The following SLC22A23 variants were observed in gnomAD, a reference collection of about 807,000 sequenced individuals.
The protein encoded by SLC22A23 is ion transporter protein.
A neutral mutation model predicts 61.0 loss-of-function variants in SLC22A23; 26 were observed. The observed-to-expected ratio is 0.43, with a 90% CI of 0.31 to 0.59. The LOEUF (loss-of-function observed/expected upper bound fraction) is 0.59, where lower values mean the gene tolerates loss of function less well. Among genes scored for constraint, SLC22A23 ranks in the 20% least tolerant of loss-of-function variants. The pLI is 0.11. For missense variants in SLC22A23, 796 were observed against 934.7 expected (o/e 0.85, Z 1.94); for synonymous variants, 430 against 413.9 (o/e 1.04, Z -0.47).
intron 5 of SLC22A23, among the ~76,000 whole-genome samples, chr6:3,294,611 G>A (rs980104904): frequency 6.6e-6 from 1 of 152,152 alleles, no homozygotes; most frequent in Non-Finnish European, 1.5e-5. Flanking sequence ...CTGGCCACAC[G>A]GCCACATTGG....
chr6:3,288,998 CTT>C (rs1581618012), intron 6 of SLC22A23, among the ~76,000 whole-genome samples: 1 of 152,386 alleles, frequency 6.6e-6, no homozygotes, highest in South Asian at 2.1e-4. Flanking sequence ...CTGGGCCTGT[CTT>C]TACCTGGTGG....
chr6:3,406,321 C>T (rs1040625835), intron 3 of SLC22A23, among the ~76,000 whole-genome samples: 2 of 152,146 alleles, frequency 1.3e-5, no homozygotes, highest in African/African-American at 2.4e-5. Context: ...CTTCACAGTG[C>T]TATATTACCT....
At chr6:3,341,153 C>T (rs1304819117) in intron 3 of SLC22A23, among the ~76,000 whole-genome samples, 1 of 152,166 alleles carries the variant, frequency 6.6e-6, no homozygotes, top group Non-Finnish European at 1.5e-5. Flanking sequence ...GAGAGGCTGG[C>T]CCGAGTCACA....
At chr6:3,395,895 T>C (rs79659698) in intron 3 of SLC22A23, among the ~76,000 whole-genome samples, 6,023 of 152,320 alleles carry the variant, frequency 0.04, 430 homozygotes, top group African/African-American at 0.14. Context: ...GAAATTATAT[T>C]ATACAGGTTT....
At chr6:3,348,529 T>C (rs1301580277) in intron 3 of SLC22A23, among the ~76,000 whole-genome samples, 1 of 152,192 alleles carries the variant, frequency 6.6e-6, no homozygotes, top group East Asian at 1.9e-4. Context: ...GTGCACACTA[T>C]AGAATCCGGC....
In SLC22A23 at chr6:3,304,114, A is replaced by G. The variant is rs73719974; in HGVS notation, c.1083-5896T>C. Among the ~76,000 whole-genome samples the G allele has an allele frequency of 0.14, 21,475 of 152,158 alleles. 2,855 individuals are homozygous for G. Among genetic ancestry groups the G allele is most frequent in the African/African-American group, 0.35 (14,556 of 41,466 alleles). On this transcript the variant is annotated intron_variant, in intron 4 of 9. Transcript: ENST00000406686. This position sits in a 1 kb window ranked among gnomAD's most constrained non-coding sequence, Gnocchi z 4.3. The stretch of plus-strand genomic sequence containing the variant: ...TCCCCTTTCTTATCTGGGCCCACGG[A>G]GCCCTTGCCCTTCAGGAGAAAAGTC...
At position 3,372,411 on chromosome 6, in the gene SLC22A23, G is replaced by A. The variant is rs988555340; in HGVS notation, c.913+37777C>T. The stretch of plus-strand genomic sequence containing the variant: ...GCTGTGCTGGGAAGGGGGGATGGGC[G>A]TGGCTGCTGACAGCACGTAAGGTGG... On this transcript the variant is annotated intron_variant, in intron 3 of 9. Coordinates refer to ENST00000406686, the MANE Select transcript of SLC22A23 (RefSeq NM_015482.2). This position sits in a 1 kb window ranked among gnomAD's most constrained non-coding sequence, Gnocchi z 4.7. Among the ~76,000 whole-genome samples, 1 of 152,242 alleles carries A rather than the reference G, an allele frequency of 6.6e-6. No homozygotes were observed. Among genetic ancestry groups the A allele is most frequent in the Admixed American group, 6.5e-5 (1 of 15,284 alleles).
rs1296684767 is a variant in SLC22A23, at chr6:3,271,783, CGAGG to C, written c.*1268_*1271del. On this transcript the variant is annotated 3_prime_UTR_variant, in exon 10 of 10. Transcript: ENST00000406686. ...GAAACCTCCACTTTCTGGGGTGAAACGAGGAACACGAAGAGACCCATGGAGGTCG... is the reference window on the plus strand; with the variant it reads ...GAAACCTCCACTTTCTGGGGTGAAACAACACGAAGAGACCCATGGAGGTCG... 1 of 152,348 alleles carries C rather than the reference CGAGG, an allele frequency of 6.6e-6. No homozygotes were observed. The highest frequency in any genetic ancestry group is 1.5e-5 in the Non-Finnish European group (1 of 68,044). 9.4% of individuals were successfully genotyped at this position (152,348 alleles called of 1,614,324 possible).
chr6:3,447,795 A>G (rs1348086826), intron 1 of SLC22A23, among the ~76,000 whole-genome samples: 3 of 150,836 alleles, frequency 2.0e-5, no homozygotes, highest in Admixed American at 6.6e-5. Context: ...TCACTGTGTT[A>G]GTCAGTATGG....
intron 3 of SLC22A23, among the ~76,000 whole-genome samples, chr6:3,343,945 C>T (rs904993863): frequency 6.6e-6 from 1 of 152,144 alleles, no homozygotes; most frequent in Non-Finnish European, 1.5e-5. Context: ...AGATTCGATT[C>T]GCTTATTCCT....
At chr6:3,408,036 A>C (rs2127509802) in intron 3 of SLC22A23, among the ~76,000 whole-genome samples, 1 of 152,360 alleles carries the variant, frequency 6.6e-6, no homozygotes, top group African/African-American at 2.4e-5. Context: ...CTGTAAATAA[A>C]GTTTTATTAG....
intron 3 of SLC22A23, among the ~76,000 whole-genome samples, chr6:3,345,941 T>C (rs188924588): frequency 5.5e-4 from 84 of 152,356 alleles, no homozygotes; most frequent in African/African-American, 2.0e-3. Flanking sequence ...TCTCCCGTTC[T>C]CCGAGAGTGT....
chr6:3,343,148 C>T (rs944965608), intron 3 of SLC22A23, among the ~76,000 whole-genome samples: 12 of 152,128 alleles, frequency 7.9e-5, no homozygotes, highest in African/African-American at 1.4e-4. Context: ...GGGGGAGTTC[C>T]GACAAAGCTG....
rs563830407 is a variant in SLC22A23 at position 3,374,562 on chromosome 6, C to A, written c.913+35626G>T. On this transcript the variant is annotated intron_variant, in intron 3 of 9. Coordinates refer to ENST00000406686, the MANE Select transcript of SLC22A23 (RefSeq NM_015482.2). Reference sequence around the variant, plus strand: ...AAGGGTGTGCTTTGGAGAAACTGGGCGGGCTGAAACTATGATGACCCTTAA... The same window carrying A: ...AAGGGTGTGCTTTGGAGAAACTGGGAGGGCTGAAACTATGATGACCCTTAA... Among the ~76,000 whole-genome samples the A allele has an allele frequency of 7.7e-4, 118 of 152,266 alleles. 1 individual carries two copies. The South Asian group carries it at 0.021, about 27-fold the overall frequency.
At chr6:3,420,395 GA>G (rs1312956001) in intron 1 of SLC22A23, among the ~76,000 whole-genome samples, 5 of 152,100 alleles carry the variant, frequency 3.3e-5, no homozygotes, top group Non-Finnish European at 7.4e-5. Context: ...AATTTCTAAA[GA>G]AGATGGAAAA....
intron 3 of SLC22A23, among the ~76,000 whole-genome samples, chr6:3,359,647 T>C (rs1281926600): frequency 1.3e-5 from 2 of 152,178 alleles, no homozygotes; most frequent in African/African-American, 4.8e-5. Flanking sequence ...ATCCCTGTTC[T>C]TCATAGAATT....
intron 9 of SLC22A23, among the ~76,000 whole-genome samples, chr6:3,274,527 CTGAG>C (rs958721043): frequency 1.7e-4 from 26 of 152,152 alleles, no homozygotes; most frequent in African/African-American, 5.8e-4. Flanking sequence ...ACTGCTGAGG[CTGAG>C]TGGGCTGAAA....
At chr6:3,277,903 ACT>A (rs1759060035) in intron 9 of SLC22A23, among the ~76,000 whole-genome samples, 1 of 152,094 alleles carries the variant, frequency 6.6e-6, no homozygotes, top group African/African-American at 2.4e-5. Context: ...ATTCTAGCAG[ACT>A]CTTGCTAGCT....
At chr6:3,339,377 C>A (rs1033857092) in intron 3 of SLC22A23, among the ~76,000 whole-genome samples, 1 of 152,070 alleles carries the variant, frequency 6.6e-6, no homozygotes, top group African/African-American at 2.4e-5. Flanking sequence ...GTTCCCAAGC[C>A]CTGGTCCTGT....
Sources: gnomAD v4.1 joint callset for allele counts (sites outside exome capture counted in the v4.1 genomes callset) on GRCh38, gnomAD v4.1.1 for gene constraint, Gnocchi (gnomAD v3.1) non-coding constraint, MANE v1.5 for transcripts, NCBI Gene and HGNC (gene_info 2026-07-23, HGNC 2026-07-21) for gene names.